The following PHLPP1 variants were observed in gnomAD, a reference collection of about 807,000 sequenced individuals.
PHLPP1 encodes PH domain and leucine rich repeat protein phosphatase 1.
A neutral mutation model predicts 117.2 loss-of-function variants in PHLPP1; 42 were observed. The ratio of observed to expected loss-of-function variants is 0.36; its 90% CI spans 0.28 to 0.46. The LOEUF is 0.46. Ranked by LOEUF, PHLPP1 falls within the 20% of genes least tolerant of loss-of-function variation. The pLI is 1.00. For synonymous variants in PHLPP1, 1,042 were observed against 970.7 expected (o/e 1.07, Z -1.37); for missense variants, 2,084 against 2,241.9 (o/e 0.93, Z 1.42).
At position 62,769,999 on chromosome 18, in the gene PHLPP1, A is replaced by G. The variant is rs1236638123; in HGVS notation, c.1576+52740A>G. 2.6e-5 allele frequency among the ~76,000 whole-genome samples: 4 copies of G among 152,192 alleles called. No homozygotes were observed. In the East Asian group the frequency reaches 7.7e-4, roughly 29 times the overall value. On this transcript the variant is annotated intron_variant, in intron 1 of 16. Transcript: ENST00000262719. ...CCATCATCTTTCCTCCATGTTTGCA[A>G]CATATTTTTCTTCCTAGGTTTGTAA...
At chr18:62,903,697 G>A (rs547882393) in intron 7 of PHLPP1, among the ~76,000 whole-genome samples, 4 of 151,696 alleles carry the variant, frequency 2.6e-5, no homozygotes, top group African/African-American at 9.7e-5. Flanking sequence ...TGGAGCCCAG[G>A]AGGTGGAGGC....
chr18:62,833,978 A>G (rs1184553496), intron 2 of PHLPP1, among the ~76,000 whole-genome samples: 1 of 152,188 alleles, frequency 6.6e-6, no homozygotes, highest in Non-Finnish European at 1.5e-5. Context: ...AGATGATTGA[A>G]CAGTGAACAT....
At chr18:62,904,659 A>G (rs1916802107) in intron 7 of PHLPP1, among the ~76,000 whole-genome samples, 1 of 152,260 alleles carries the variant, frequency 6.6e-6, no homozygotes, top group Non-Finnish European at 1.5e-5. Context: ...AGACTGGGCA[A>G]CCAGATAGGA....
At chr18:62,744,233 C>T (rs927013557) in intron 1 of PHLPP1, among the ~76,000 whole-genome samples, 10 of 152,222 alleles carry the variant, frequency 6.6e-5, no homozygotes, top group South Asian at 2.1e-4. Flanking sequence ...CTTCAGAGGG[C>T]GCATGCCCGC....
chr18:62,725,098 C>T (rs948278997), intron 1 of PHLPP1, among the ~76,000 whole-genome samples: 35 of 152,102 alleles, frequency 2.3e-4, no homozygotes, highest in African/African-American at 8.0e-4. Context: ...GTGGCTCACA[C>T]CTGTAATCCC....
chr18:62,954,063 A>G (rs942225531), intron 12 of PHLPP1, among the ~76,000 whole-genome samples: 2 of 152,252 alleles, frequency 1.3e-5, no homozygotes, highest in Non-Finnish European at 2.9e-5. Flanking sequence ...CACTTAAACT[A>G]TACATCAAGT....
intron 10 of PHLPP1, among the ~76,000 whole-genome samples, chr18:62,937,534 A>G (rs112915659): frequency 6.6e-6 from 1 of 152,364 alleles, no homozygotes; most frequent in African/African-American, 2.4e-5. Flanking sequence ...TCAACATTTG[A>G]ATTTTGGAGA....
At chr18:62,765,114 G>C (rs1269772527) in intron 1 of PHLPP1, among the ~76,000 whole-genome samples, 1 of 152,142 alleles carries the variant, frequency 6.6e-6, no homozygotes, top group Non-Finnish European at 1.5e-5. Context: ...ACTCAGGATT[G>C]TTACCGTGAA....
chr18:62,896,277 G>A (rs1368014584), intron 6 of PHLPP1, among the ~76,000 whole-genome samples: 1 of 143,056 alleles, frequency 7.0e-6, no homozygotes, highest in Non-Finnish European at 1.5e-5. Context: ...GTTGGTTTTT[G>A]TTTTTTTTGT....
chr18:62,945,441 A>C lies in PHLPP1; in HGVS notation c.3324+170A>C, dbSNP rs182566304. ...CAATGGGCTACACCGTTGAGTCGGCAGAGTTAAAAAACAAAGCAAAACACT... is the reference window on the plus strand; with the variant it reads ...CAATGGGCTACACCGTTGAGTCGGCCGAGTTAAAAAACAAAGCAAAACACT... On this transcript the variant is annotated intron_variant, in intron 12 of 16. Transcript: ENST00000262719. Among the ~76,000 whole-genome samples the C allele has an allele frequency of 5.5e-3, 834 of 152,374 alleles. 35 individuals carry two copies. The highest frequency in any genetic ancestry group is 0.043 in the Admixed American group (660 of 15,304).
At chr18:62,848,913 G>T (rs1915251888) in intron 3 of PHLPP1, among the ~76,000 whole-genome samples, 2 of 152,134 alleles carry the variant, frequency 1.3e-5, no homozygotes, top group South Asian at 4.1e-4. Context: ...TGTACTTCCA[G>T]TGTTTTACAG....
intron 1 of PHLPP1, among the ~76,000 whole-genome samples, chr18:62,744,252 C>T (rs908041577): frequency 3.9e-5 from 6 of 152,202 alleles, no homozygotes; most frequent in Non-Finnish European, 7.3e-5. Flanking sequence ...GCACCTGGTG[C>T]GAGCACACTC....
chr18:62,758,637 T>A (rs1170066463), intron 1 of PHLPP1, among the ~76,000 whole-genome samples: 1 of 152,216 alleles, frequency 6.6e-6, no homozygotes, highest in Non-Finnish European at 1.5e-5. Context: ...TGTGACATCT[T>A]GTTAAGTTTG....
In PHLPP1 at chr18:62,939,124, G is replaced by A. The variant is rs145626083; in HGVS notation, c.2961-2594G>A. On this transcript the variant is annotated intron_variant, in intron 10 of 16. Coordinates refer to ENST00000262719, the MANE Select transcript of PHLPP1 (RefSeq NM_194449.4). Reference sequence around the variant, plus strand: ...TGCTGCCTCACCCTCTCGAGTAGCTGGGATTACAGGTGCCTGCCACCACAC... The same window carrying A: ...TGCTGCCTCACCCTCTCGAGTAGCTAGGATTACAGGTGCCTGCCACCACAC... Among the ~76,000 whole-genome samples, 496 of 151,324 alleles carry A rather than the reference G, an allele frequency of 3.3e-3. 3 individuals are homozygous for A. Among genetic ancestry groups the A allele is most frequent in the African/African-American group, 0.012 (480 of 41,244 alleles).
intron 13 of PHLPP1, among the ~76,000 whole-genome samples, chr18:62,960,875 T>C (rs1910747655): frequency 6.6e-6 from 1 of 152,244 alleles, no homozygotes; most frequent in Non-Finnish European, 1.5e-5. Context: ...TCTTAATGAC[T>C]TGGAAGATTT....
intron 3 of PHLPP1, among the ~76,000 whole-genome samples, chr18:62,848,455 A>ATT (rs56223512): frequency 0.039 from 3,408 of 88,420 alleles, 167 homozygotes; most frequent in African/African-American, 0.08. Context: ...TTTTTTGTTG[A>ATT]TTTTTTTTTT....
chr18:62,949,150 A>G (rs754670552), intron 12 of PHLPP1, among the ~76,000 whole-genome samples: 6 of 152,226 alleles, frequency 3.9e-5, no homozygotes, highest in Non-Finnish European at 8.8e-5. Flanking sequence ...AAAGGTATTA[A>G]GATCATTGCA....
chr18:62,883,915 G>A (rs1916225175), intron 4 of PHLPP1, among the ~76,000 whole-genome samples: 1 of 152,146 alleles, frequency 6.6e-6, no homozygotes, highest in Non-Finnish European at 1.5e-5. Flanking sequence ...AATTTTCAGA[G>A]TCTCTTGGAT....
chr18:62,857,232 G>A (rs532245632), intron 3 of PHLPP1, among the ~76,000 whole-genome samples: 1 of 152,210 alleles, frequency 6.6e-6, no homozygotes, highest in East Asian at 1.9e-4. Context: ...GGTATATATT[G>A]CACATATAAC....
Sources: allele counts gnomAD v4.1 joint callset (sites outside exome capture counted in the v4.1 genomes callset), GRCh38; gene constraint gnomAD v4.1.1; transcripts MANE v1.5; gene names NCBI Gene and HGNC (gene_info 2026-07-23, HGNC 2026-07-21).